KLF12: variants seen among roughly 807,000 people sequenced by gnomAD.
KLF12 encodes the protein Krueppel-like factor 12.
Under a neutral mutation model 37.8 loss-of-function variants are expected in KLF12, and 9 were observed. That is an observed-to-expected ratio of 0.24 (90% CI 0.14 to 0.42). KLF12 has a LOEUF of 0.42. Among genes scored for constraint, KLF12 ranks in the 10% least tolerant of loss-of-function variants. KLF12 has a pLI of 1.00. For synonymous variants in KLF12, 208 were observed against 202.1 expected, an observed-to-expected ratio of 1.03 and a Z score of -0.25; for missense variants, 411 against 516.0, an observed-to-expected ratio of 0.80 and a Z score of 1.97.
chr13:73,736,745 T>C (rs764011773), intron 6 of KLF12, among the ~76,000 whole-genome samples: 1 of 152,194 alleles, frequency 6.6e-6, no homozygotes, highest in Non-Finnish European at 1.5e-5. Context: ...TGTGGTCAAG[T>C]GTTCAAACAT....
At chr13:74,004,768 T>C (rs1298408131) in intron 1 of KLF12, among the ~76,000 whole-genome samples, 1 of 152,196 alleles carries the variant, frequency 6.6e-6, no homozygotes. Context: ...GTATTTTAAG[T>C]TTCTCCACTA....
intron 3 of KLF12, among the ~76,000 whole-genome samples, chr13:73,912,099 T>G (rs1056792457): frequency 6.6e-6 from 1 of 152,204 alleles, no homozygotes; most frequent in Non-Finnish European, 1.5e-5. Context: ...ATGCTGCCCA[T>G]TGTTTATTTA....
intron 2 of KLF12, among the ~76,000 whole-genome samples, chr13:73,967,527 G>GCATCACCTTT (rs1555330077): frequency 2.0e-5 from 3 of 152,108 alleles, no homozygotes; most frequent in Non-Finnish European, 4.4e-5. Flanking sequence ...TTGTAAGCAA[G>GCATCACCTTT]GCATCTGATA....
chr13:74,288,286 C>T, the KLF12 span, among the ~76,000 whole-genome samples: 120,753 of 152,182 alleles, frequency 0.79, 48,069 homozygotes, highest in South Asian at 0.88. Context: ...CATTTCAACT[C>T]TATATCAGTC....
chr13:73,871,546 C>T (rs891440599), intron 3 of KLF12, among the ~76,000 whole-genome samples: 18 of 152,210 alleles, frequency 1.2e-4, no homozygotes, highest in Non-Finnish European at 1.5e-5. Context: ...GAACACAGTA[C>T]AAACGGAGTC....
At chr13:73,910,060 A>G (rs903864426) in intron 3 of KLF12, among the ~76,000 whole-genome samples, 2 of 152,206 alleles carry the variant, frequency 1.3e-5, no homozygotes, top group Non-Finnish European at 2.9e-5. Context: ...GAGCTCATAG[A>G]GATTACAGCA....
chr13:74,163,274 C>T, the KLF12 span, among the ~76,000 whole-genome samples: 1 of 152,168 alleles, frequency 6.6e-6, no homozygotes, highest in Non-Finnish European at 1.5e-5. Flanking sequence ...AAAGAGATAT[C>T]TGCACTCCTA....
At chr13:73,797,092 C>T (rs138897158) in intron 5 of KLF12, among the ~76,000 whole-genome samples, 2 of 152,240 alleles carry the variant, frequency 1.3e-5, no homozygotes, top group East Asian at 1.9e-4. Context: ...TGAGAGTATA[C>T]AATTGTTAAA....
chr13:73,778,596 C>T (rs1328610346), intron 5 of KLF12, among the ~76,000 whole-genome samples: 1 of 152,088 alleles, frequency 6.6e-6, no homozygotes, highest in Non-Finnish European at 1.5e-5. Flanking sequence ...AACACCTGGG[C>T]TCAAGTGGTC....
chr13:74,184,602 T>C, the KLF12 span, among the ~76,000 whole-genome samples: 5 of 152,328 alleles, frequency 3.3e-5, no homozygotes, highest in East Asian at 9.6e-4. Context: ...TTTTCTCCAT[T>C]ATAAAATCTT....
intron 6 of KLF12, among the ~76,000 whole-genome samples, chr13:73,746,057 A>G (rs1417200591): frequency 7.7e-6 from 1 of 129,590 alleles, no homozygotes; most frequent in Non-Finnish European, 1.6e-5. Context: ...AAGATCTACA[A>G]AGGAAACCAC....
intron 5 of KLF12, among the ~76,000 whole-genome samples, chr13:73,803,308 C>T (rs879800): frequency 0.17 from 25,786 of 152,062 alleles, 2,974 homozygotes; most frequent in African/African-American, 0.33. Flanking sequence ...TTACTCTTTG[C>T]GAGAAGCCCC....
chr13:73,892,960 C>T (rs905868252), intron 3 of KLF12, among the ~76,000 whole-genome samples: 4 of 151,748 alleles, frequency 2.6e-5, no homozygotes, highest in Non-Finnish European at 5.9e-5. Context: ...CATAAATCAG[C>T]ACTCTTATGG....
the KLF12 span, among the ~76,000 whole-genome samples, chr13:74,275,055 G>T: frequency 2.0e-5 from 3 of 152,260 alleles, no homozygotes; most frequent in Non-Finnish European, 2.9e-5. Context: ...CACTGAGAAG[G>T]TGACATTTGA....
At chr13:73,944,666 ATAAC>A (rs1201428686) in intron 2 of KLF12, among the ~76,000 whole-genome samples, 1 of 152,246 alleles carries the variant, frequency 6.6e-6, no homozygotes, top group Non-Finnish European at 1.5e-5. Flanking sequence ...GCTAAACTAA[ATAAC>A]AAACAATTAT....
chr13:74,099,925 C>T (rs1168824838), intron 1 of KLF12, among the ~76,000 whole-genome samples: 1 of 152,050 alleles, frequency 6.6e-6, no homozygotes, highest in Non-Finnish European at 1.5e-5. Flanking sequence ...CAAATTGAAC[C>T]ATAAAACATT....
At chr13:74,027,657 A>G (rs1893011184) in intron 1 of KLF12, among the ~76,000 whole-genome samples, 1 of 152,336 alleles carries the variant, frequency 6.6e-6, no homozygotes, top group Non-Finnish European at 1.5e-5. Flanking sequence ...CTTGGGCTTC[A>G]GATACTTAAG....
intron 1 of KLF12, among the ~76,000 whole-genome samples, chr13:74,011,843 G>C (rs942962335): frequency 2.0e-5 from 3 of 152,248 alleles, no homozygotes; most frequent in East Asian, 1.9e-4. Flanking sequence ...ACAGTACTGG[G>C]TTAAATAAGT....
chr13:73,906,894 G>T (rs1311550007), intron 3 of KLF12, among the ~76,000 whole-genome samples: 1 of 152,100 alleles, frequency 6.6e-6, no homozygotes, highest in African/African-American at 2.4e-5. Context: ...GGTATCTCAG[G>T]TTCAAAACTT....
Sources: gnomAD v4.1 joint callset for allele counts (sites outside exome capture counted in the v4.1 genomes callset) on GRCh38, gnomAD v4.1.1 for gene constraint, MANE v1.5 for transcripts, NCBI Gene and HGNC (gene_info 2026-07-23, HGNC 2026-07-21) for gene names.